POFUT3: variants seen among roughly 807,000 people sequenced by gnomAD.
POFUT3 encodes the protein GDP-fucose protein O-fucosyltransferase 3.
the POFUT3 span, among the ~76,000 whole-genome samples, chr8:33,327,582 G>A: frequency 6.6e-6 from 1 of 151,966 alleles, no homozygotes; most frequent in Non-Finnish European, 1.5e-5. Flanking sequence ...GAAAAATGAG[G>A]TCATTTATCC....
the POFUT3 span, among the ~76,000 whole-genome samples, chr8:33,399,284 TAGG>T: frequency 1.3e-5 from 2 of 152,246 alleles, no homozygotes; most frequent in Non-Finnish European, 2.9e-5. Flanking sequence ...TTTCAATTAC[TAGG>T]AGAAGTGTGT....
At chr8:33,472,009 G>C in the POFUT3 span, among the ~76,000 whole-genome samples, 1 of 152,212 alleles carries the variant, frequency 6.6e-6, no homozygotes, top group Non-Finnish European at 1.5e-5. Context: ...TTCAATGCGA[G>C]AAAGGCCTCC....
At chr8:33,356,616 T>C in the POFUT3 span, among the ~76,000 whole-genome samples, 2 of 152,184 alleles carry the variant, frequency 1.3e-5, no homozygotes, top group African/African-American at 2.4e-5. Context: ...TCCCATTTTG[T>C]AGGTTGCCTG....
At chr8:33,455,055 A>C in the POFUT3 span, among the ~76,000 whole-genome samples, 2 of 152,182 alleles carry the variant, frequency 1.3e-5, no homozygotes, top group Admixed American at 6.6e-5. Flanking sequence ...ATAAATTATC[A>C]ACTGGTTTCT....
the POFUT3 span, among the ~76,000 whole-genome samples, chr8:33,429,981 G>A: frequency 1.5e-5 from 2 of 135,958 alleles, 1 homozygote; most frequent in South Asian, 4.8e-4. Context: ...GGATGACAGA[G>A]TGAGACTCCA....
the POFUT3 span, among the ~76,000 whole-genome samples, chr8:33,322,349 C>T: frequency 1.3e-5 from 2 of 152,062 alleles, no homozygotes; most frequent in African/African-American, 4.8e-5. Flanking sequence ...CCATGATGCA[C>T]CAGCCTTGAG....
the POFUT3 span, among the ~76,000 whole-genome samples, chr8:33,332,488 GAA>G: frequency 6.5e-5 from 4 of 61,320 alleles, no homozygotes; most frequent in Admixed American, 1.9e-4. Flanking sequence ...CTGTCTGAAA[GAA>G]AAAAAAAAAA....
chr8:33,349,699 C>G, the POFUT3 span, among the ~76,000 whole-genome samples: 1 of 152,150 alleles, frequency 6.6e-6, no homozygotes, highest in Non-Finnish European at 1.5e-5. Flanking sequence ...GGCATTTAGG[C>G]TAGTTCCATA....
the POFUT3 span, among the ~76,000 whole-genome samples, chr8:33,394,813 C>A: frequency 5.3e-5 from 8 of 152,180 alleles, no homozygotes; most frequent in African/African-American, 1.9e-4. Context: ...TGTCCCCCAA[C>A]ACACCTGCCT....
At chr8:33,401,572 C>T in the POFUT3 span, among the ~76,000 whole-genome samples, 1 of 151,932 alleles carries the variant, frequency 6.6e-6, no homozygotes, top group Non-Finnish European at 1.5e-5. Context: ...CCGTTAGAAA[C>T]CTGGTATTAT....
At chr8:33,429,643 A>T in the POFUT3 span, among the ~76,000 whole-genome samples, 6 of 152,084 alleles carry the variant, frequency 3.9e-5, no homozygotes, top group African/African-American at 1.4e-4. Flanking sequence ...GAAAAGGTAC[A>T]GGAGGTACGA....
At chr8:33,441,330 C>A in the POFUT3 span, among the ~76,000 whole-genome samples, 27 of 118,666 alleles carry the variant, frequency 2.3e-4, no homozygotes, top group African/African-American at 3.2e-4. Context: ...GACTCCATCT[C>A]AAAAAAAAAA....
the POFUT3 span, chr8:33,360,847 G>C: frequency 6.6e-6 from 1 of 152,170 alleles, no homozygotes; most frequent in South Asian, 2.1e-4. Context: ...AATGGGGAGG[G>C]GGTGCCCCAG....
At chr8:33,403,719 C>A in the POFUT3 span, among the ~76,000 whole-genome samples, 8 of 152,076 alleles carry the variant, frequency 5.3e-5, no homozygotes, top group Non-Finnish European at 8.8e-5. Flanking sequence ...GAGAGCCTGT[C>A]TTTTAAAAAA....
At chr8:33,410,868 G>C in the POFUT3 span, among the ~76,000 whole-genome samples, 1 of 152,146 alleles carries the variant, frequency 6.6e-6, no homozygotes, top group Non-Finnish European at 1.5e-5. Context: ...AAGCAGAACT[G>C]GTACACGGGG....
the POFUT3 span, chr8:33,436,348 G>T: frequency 7.4e-7 from 1 of 1,350,662 alleles, no homozygotes; most frequent in Non-Finnish European, 1.1e-6. Context: ...CGCTCCATGT[G>T]TAAGAAGGCA....
the POFUT3 span, among the ~76,000 whole-genome samples, chr8:33,390,205 T>TACACAC: frequency 1.2e-4 from 17 of 145,786 alleles, no homozygotes; most frequent in African/African-American, 4.4e-4. Flanking sequence ...GTGTGTGTCA[T>TACACAC]ACACACACAC....
the POFUT3 span, among the ~76,000 whole-genome samples, chr8:33,438,214 C>T: frequency 1.3e-5 from 2 of 152,122 alleles, no homozygotes; most frequent in East Asian, 1.9e-4. Flanking sequence ...TAAATAAGCA[C>T]AGTTAATTAT....
the POFUT3 span, among the ~76,000 whole-genome samples, chr8:33,437,679 C>A: frequency 6.6e-5 from 10 of 152,058 alleles, no homozygotes; most frequent in African/African-American, 2.2e-4. Flanking sequence ...GGCATTGTGG[C>A]GCATGCCTGT....
Sources: gnomAD v4.1 joint callset for allele counts (sites outside exome capture counted in the v4.1 genomes callset) on GRCh38, gnomAD v4.1.1 for gene constraint, MANE v1.5 for transcripts, NCBI Gene and HGNC (gene_info 2026-07-23, HGNC 2026-07-21) for gene names.